Variants in AHCY observed in about 807,000 individuals in gnomAD.
The protein encoded by AHCY is adenosylhomocysteinase.
Under a neutral mutation model 45.4 loss-of-function variants are expected in AHCY, and 24 were observed. The observed-to-expected ratio is 0.53, with a 90% confidence interval of 0.38 to 0.74. The LOEUF (loss-of-function observed/expected upper bound fraction) is 0.74. Among genes scored for constraint, AHCY ranks in the 30% least tolerant of loss-of-function variants. The probability of loss-of-function intolerance (pLI) is 0.00; values close to 1 mark genes in which losing one functional copy is unlikely to be tolerated. For synonymous variants in AHCY, 245 were observed against 235.1 expected (o/e 1.04, Z -0.39); for missense variants, 449 against 594.1 (o/e 0.76, Z 2.54).
chr20:34,286,662 T>C (rs1472217472), intron 8 of AHCY, among the ~76,000 whole-genome samples: 1 of 151,710 alleles, frequency 6.6e-6, no homozygotes, highest in Non-Finnish European at 1.5e-5. Context: ...GGAGAAACCC[T>C]GTCTCTACTA....
chr20:34,237,001 A>G, the AHCY span, among the ~76,000 whole-genome samples: 1 of 152,210 alleles, frequency 6.6e-6, no homozygotes, highest in Admixed American at 6.5e-5. Context: ...CACCTTTGTC[A>G]AAAATCACTT....
At chr20:34,269,632 A>AG in the AHCY span, among the ~76,000 whole-genome samples, 2 of 151,290 alleles carry the variant, frequency 1.3e-5, no homozygotes, top group African/African-American at 4.9e-5. Flanking sequence ...CCCTCTCCCC[A>AG]GGGGAAAAAA....
upstream of AHCY, among the ~76,000 whole-genome samples, chr20:34,307,250 C>T (rs1011638369): frequency 1.3e-5 from 2 of 151,438 alleles, no homozygotes; most frequent in Admixed American, 6.6e-5. Context: ...CGCTACCACC[C>T]GGCTAATATT....
downstream of AHCY, among the ~76,000 whole-genome samples, chr20:34,275,919 G>C (rs2035907039): frequency 6.6e-6 from 1 of 151,330 alleles, no homozygotes; most frequent in South Asian, 2.1e-4. Flanking sequence ...TCAAACTCCT[G>C]ACCTCAGGTG....
chr20:34,246,519 T>C, the AHCY span: 1 of 1,202,682 alleles, frequency 8.3e-7, no homozygotes, highest in Non-Finnish European at 1.2e-6. Context: ...TCAGCCCCAC[T>C]GGATTCAGAA....
At chr20:34,301,842 G>C in intron 1 of AHCY, 1 of 985,420 alleles carries the variant, frequency 1.0e-6, no homozygotes, top group Non-Finnish European at 1.2e-6. Flanking sequence ...CAGAATCTTT[G>C]CAAGTCACCT....
At chr20:34,299,424 C>A (rs1390590708) in intron 1 of AHCY, among the ~76,000 whole-genome samples, 3 of 152,216 alleles carry the variant, frequency 2.0e-5, no homozygotes, top group African/African-American at 7.2e-5. Flanking sequence ...TGCTTTTCCA[C>A]CTACCTTCCT....
At chr20:34,287,034 TCTCCCCA>T (rs1256192640) in intron 8 of AHCY, among the ~76,000 whole-genome samples, 11 of 151,984 alleles carry the variant, frequency 7.2e-5, no homozygotes, top group Non-Finnish European at 1.6e-4. Flanking sequence ...AAACTTGCTT[TCTCCCCA>T]CTCCCAGCTC....
the AHCY span, among the ~76,000 whole-genome samples, chr20:34,273,027 T>G: frequency 2.0e-5 from 3 of 152,204 alleles, no homozygotes; most frequent in South Asian, 4.1e-4. Flanking sequence ...CCCCAGCATG[T>G]CTGGCTATCA....
intron 1 of AHCY, among the ~76,000 whole-genome samples, chr20:34,297,189 A>C (rs2036601757): frequency 6.6e-6 from 1 of 152,228 alleles, no homozygotes; most frequent in East Asian, 1.9e-4. Flanking sequence ...CTCACTTGGC[A>C]AAACTCTCAG....
the AHCY span, among the ~76,000 whole-genome samples, chr20:34,236,153 G>A: frequency 6.6e-6 from 1 of 151,532 alleles, no homozygotes; most frequent in Non-Finnish European, 1.5e-5. Flanking sequence ...GGAGAAAGGA[G>A]GGAGGGAGGG....
the AHCY span, among the ~76,000 whole-genome samples, chr20:34,242,391 C>T: frequency 6.6e-6 from 1 of 152,058 alleles, no homozygotes; most frequent in Middle Eastern, 3.2e-3. Context: ...CACCACCACG[C>T]CTGGCTAATT....
the AHCY span, among the ~76,000 whole-genome samples, chr20:34,269,925 C>CA: frequency 1.0e-5 from 1 of 100,130 alleles, no homozygotes; most frequent in Non-Finnish European, 1.8e-5. Flanking sequence ...GCCTGGGCAA[C>CA]AAGAGCGAGA....
the AHCY span, chr20:34,262,926 G>A: frequency 1.2e-6 from 2 of 1,611,666 alleles, no homozygotes; most frequent in Middle Eastern, 1.7e-4. Flanking sequence ...AGTTCTCATT[G>A]TTGGGGTGAG....
the AHCY span, among the ~76,000 whole-genome samples, chr20:34,268,172 C>T: frequency 6.6e-6 from 1 of 152,160 alleles, no homozygotes; most frequent in Admixed American, 6.5e-5. Flanking sequence ...TTCACGTACT[C>T]AGTAGCCACA....
At chr20:34,269,361 T>A in the AHCY span, 3 of 703,466 alleles carry the variant, frequency 4.3e-6, no homozygotes, top group East Asian at 1.0e-4. Context: ...TGTGCGGCTG[T>A]TTCTGTAAAG....
At chr20:34,296,913 C>G (rs1429218615) in intron 1 of AHCY, among the ~76,000 whole-genome samples, 1 of 152,130 alleles carries the variant, frequency 6.6e-6, no homozygotes, top group Non-Finnish European at 1.5e-5. Flanking sequence ...AGAGATGAAA[C>G]ACGCCTCCCG....
At chr20:34,302,948 C>A (rs920730651) in intron 1 of AHCY, 83 of 985,304 alleles carry the variant, frequency 8.4e-5, no homozygotes, top group Non-Finnish European at 8.4e-5. Flanking sequence ...CGTCCCAGGC[C>A]GTGGCCAGGT....
At chr20:34,260,598 C>A in the AHCY span, 1 of 1,501,062 alleles carries the variant, frequency 6.7e-7, no homozygotes, top group South Asian at 1.3e-5. Flanking sequence ...AGCATGCTTC[C>A]CAGGGTGCTA....
Sources: allele counts gnomAD v4.1 joint callset (sites outside exome capture counted in the v4.1 genomes callset), GRCh38; gene constraint gnomAD v4.1.1; transcripts MANE v1.5; gene names NCBI Gene and HGNC (gene_info 2026-07-23, HGNC 2026-07-21).